The following YBEY variants were observed in gnomAD, a reference collection of about 807,000 sequenced individuals.
YBEY encodes endoribonuclease YbeY.
A neutral mutation model predicts 13.5 loss-of-function variants in YBEY; 15 were observed. That is an observed-to-expected ratio of 1.11 (90% CI 0.75 to 1.72). The LOEUF is 1.72. Ranked by LOEUF, YBEY falls within the 40% of genes most tolerant of loss-of-function variation. YBEY has a pLI of 0.00. For missense variants in YBEY, 244 were observed against 208.4 expected (o/e 1.17, Z -1.05); for synonymous variants, 101 against 83.1 (o/e 1.21, Z -1.17).
the YBEY span, among the ~76,000 whole-genome samples, chr21:46,303,520 A>T: frequency 6.6e-6 from 1 of 151,178 alleles, no homozygotes. Flanking sequence ...AAAATGGGCA[A>T]ATTACTTAAA....
downstream of YBEY, chr21:46,297,853 G>C (rs544749400): frequency 7.5e-6 from 8 of 1,072,118 alleles, no homozygotes; most frequent in Non-Finnish European, 9.4e-6. Flanking sequence ...CCGCCCGGGA[G>C]CACCGCGCAG....
intron 3 of YBEY, among the ~76,000 whole-genome samples, chr21:46,293,347 CG>C (rs1569100255): frequency 3.9e-5 from 2 of 51,724 alleles, no homozygotes; most frequent in South Asian, 1.4e-3. Flanking sequence ...GACCCGTGCC[CG>C]GGACTCAGTG....
the YBEY span, among the ~76,000 whole-genome samples, chr21:46,310,565 T>C: frequency 6.6e-6 from 1 of 151,402 alleles, no homozygotes; most frequent in Non-Finnish European, 1.5e-5. Context: ...TCCCAGCACT[T>C]TGAGAGGCTG....
At chr21:46,303,746 T>TATATATATATATATATA in the YBEY span, among the ~76,000 whole-genome samples, 9 of 12,068 alleles carry the variant, frequency 7.5e-4, no homozygotes, top group East Asian at 2.3e-3. Flanking sequence ...TATATATATA[T>TATATATATATATATATA]TTTTTTTTTT....
Position 46,296,246 on chromosome 21 carries a change from A to G in YBEY, c.408+16A>G. ...GTGGCAGCAGGTAAGGAGCCCATCC[A>G]TCCCACTACCGAGGGGGTGCGTGGG... On this transcript the variant is annotated intron_variant, in intron 4 of 4. Transcript: ENST00000397701. 3 of 1,613,058 alleles carry G rather than the reference A, an allele frequency of 1.9e-6. No individual in the cohort carries two copies. Among genetic ancestry groups the G allele is most frequent in the Non-Finnish European group, 2.5e-6 (3 of 1,179,982 alleles).
the YBEY span, among the ~76,000 whole-genome samples, chr21:46,305,769 C>T: frequency 0.049 from 7,388 of 151,560 alleles, 262 homozygotes; most frequent in Non-Finnish European, 0.072. Flanking sequence ...GAAACCCCGT[C>T]TCTACTAAAA....
At chr21:46,308,978 T>C in the YBEY span, among the ~76,000 whole-genome samples, 1 of 152,108 alleles carries the variant, frequency 6.6e-6, no homozygotes, top group Non-Finnish European at 1.5e-5. Context: ...AACCTTGCAC[T>C]CCCCAGTCTC....
downstream of YBEY, among the ~76,000 whole-genome samples, chr21:46,298,344 C>T (rs972106929): frequency 1.3e-5 from 2 of 151,964 alleles, no homozygotes; most frequent in Non-Finnish European, 2.9e-5. Flanking sequence ...CCGCGCCCTT[C>T]GGTGAAGAGC....
chr21:46,302,210 C>T, downstream of YBEY: 2 of 1,435,296 alleles, frequency 1.4e-6, no homozygotes, highest in African/African-American at 2.9e-5. Context: ...CCCACCTCCA[C>T]TCCCGCCCTG....
At chr21:46,300,185 A>G (rs1005942501), downstream of YBEY, 1 of 152,680 alleles carries the variant, frequency 6.5e-6, no homozygotes, top group African/African-American at 2.4e-5. Flanking sequence ...TAATCCCAGC[A>G]CTTTGGGAGG....
At chr21:46,294,722 A>G (rs2081890593) in intron 3 of YBEY, among the ~76,000 whole-genome samples, 1 of 151,742 alleles carries the variant, frequency 6.6e-6, no homozygotes, top group East Asian at 1.9e-4. Flanking sequence ...TCTCACTGTT[A>G]TCATTTTTGC....
the YBEY span, among the ~76,000 whole-genome samples, chr21:46,305,016 C>CTA: frequency 1.3e-5 from 2 of 152,194 alleles, no homozygotes; most frequent in Non-Finnish European, 2.9e-5. Flanking sequence ...CTCATAGAAA[C>CTA]AGAACACAGG....
chr21:46,301,998 C>T (rs773503440), downstream of YBEY: 22 of 1,527,202 alleles, frequency 1.4e-5, no homozygotes, highest in African/African-American at 2.9e-4. Flanking sequence ...GTGACTCACA[C>T]TCAGGGTGGG....
chr21:46,295,379 C>G (rs1601599817), intron 3 of YBEY, among the ~76,000 whole-genome samples: 1 of 151,986 alleles, frequency 6.6e-6, no homozygotes, highest in African/African-American at 2.4e-5. Context: ...CCAGACCTCC[C>G]TCTTCCCTCC....
intron 3 of YBEY, among the ~76,000 whole-genome samples, chr21:46,292,349 C>A (rs528045815): frequency 6.6e-6 from 1 of 152,318 alleles, no homozygotes; most frequent in Non-Finnish European, 1.5e-5. Flanking sequence ...CCTCAGGACA[C>A]CTACATCTGA....
chr21:46,289,024 A>C (rs79308075), intron 2 of YBEY, among the ~76,000 whole-genome samples: 1 of 151,684 alleles, frequency 6.6e-6, no homozygotes, highest in Admixed American at 6.6e-5. Context: ...ACCCTTTTTC[A>C]AAAAAAAAGT....
chr21:46,296,323 C>A, intron 4 of YBEY, 93 bp downstream of exon 4: 3 of 1,434,844 alleles, frequency 2.1e-6, no homozygotes, highest in Non-Finnish European at 2.9e-6. Flanking sequence ...ATCTTGACCG[C>A]CCCCGCAGGA....
At chr21:46,302,546 G>A, downstream of YBEY, 3 of 1,612,674 alleles carry the variant, frequency 1.9e-6, no homozygotes, top group Non-Finnish European at 2.5e-6. Context: ...GTGCACCTGT[G>A]CGTTCTGCAG....
chr21:46,306,179 A>G, the YBEY span, among the ~76,000 whole-genome samples: 2 of 152,258 alleles, frequency 1.3e-5, no homozygotes, highest in East Asian at 1.9e-4. Context: ...ATGACTGTCA[A>G]TCTAGATTTG....
Sources: gnomAD v4.1 joint callset for allele counts (sites outside exome capture counted in the v4.1 genomes callset) on GRCh38, gnomAD v4.1.1 for gene constraint, MANE v1.5 for transcripts, NCBI Gene and HGNC (gene_info 2026-07-23, HGNC 2026-07-21) for gene names.